Variants in RBFOX1 observed in about 807,000 individuals in gnomAD.
The protein encoded by RBFOX1 is RNA binding fox-1 homolog 1.
In RBFOX1, 8 loss-of-function variants were observed where a neutral mutation model predicts 57.7. That is an observed-to-expected ratio of 0.14 (90% CI 0.08 to 0.25). RBFOX1 has a LOEUF of 0.25. RBFOX1 is among the 10% of genes least tolerant of loss of function. The pLI is 1.00. For synonymous variants in RBFOX1, 326 were observed against 222.4 expected (o/e 1.47, Z -4.15); for missense variants, 611 against 548.5 (o/e 1.11, Z -1.14).
chr16:7,344,101 CTTTTTTTTTT>C (rs61008217), intron 4 of RBFOX1, among the ~76,000 whole-genome samples: 3 of 90,612 alleles, frequency 3.3e-5, no homozygotes, highest in Admixed American at 1.3e-4. Context: ...CTCAGCTTTA[CTTTTTTTTTT>C]TTTTTTTTTT....
chr16:5,907,396 C>T (rs891987990), intron 4 of RBFOX1, among the ~76,000 whole-genome samples: 1 of 152,084 alleles, frequency 6.6e-6, no homozygotes, highest in Admixed American at 6.5e-5. Flanking sequence ...ACCATTCTCC[C>T]AGAGTCATGC....
At chr16:7,481,175 A>C (rs1212449934) in intron 4 of RBFOX1, among the ~76,000 whole-genome samples, 1 of 152,334 alleles carries the variant, frequency 6.6e-6, no homozygotes, top group African/African-American at 2.4e-5. Flanking sequence ...TGTCTGGATT[A>C]GAAACTGAGT....
intron 3 of RBFOX1, among the ~76,000 whole-genome samples, chr16:5,717,590 G>T (rs1006039679): frequency 2.0e-5 from 3 of 152,028 alleles, no homozygotes; most frequent in African/African-American, 7.3e-5. Flanking sequence ...TTATAAGTGC[G>T]AATATACGAT....
rs2067910711 is a variant in RBFOX1, at chr16:5,436,122, C to T, written c.220-31094C>T. On this transcript the variant is annotated intron_variant, in intron 1 of 2. Coordinates refer to the RBFOX1 transcript ENST00000585867. ...GGAGGGGAGGGGGCAGTCCTAGAGT[C>T]ATTATGGCACAAGGAGACACCCATT... Among the ~76,000 whole-genome samples, 3 of 152,302 alleles carry T rather than the reference C, an allele frequency of 2.0e-5. 1 individual carries two copies. In the South Asian group the frequency reaches 6.2e-4, roughly 32 times the overall value.
At chr16:7,683,651 C>G (rs1366501715) in intron 14 of RBFOX1, among the ~76,000 whole-genome samples, 2 of 152,000 alleles carry the variant, frequency 1.3e-5, no homozygotes, top group Admixed American at 6.6e-5. Flanking sequence ...TAATTACACA[C>G]TTTTTAGGTC....
chr16:7,457,504 A>C lies in RBFOX1; in HGVS notation c.28-60643A>C, dbSNP rs1432711575. Among the ~76,000 whole-genome samples the C allele has an allele frequency of 2.0e-5, 3 of 152,082 alleles. No homozygotes were observed. In the East Asian group the frequency reaches 5.8e-4, roughly 29 times the overall value. On this transcript the variant is annotated intron_variant, in intron 4 of 15. Transcript: ENST00000550418. ...TGCCTTGCATTCTTCTATCTTCTTT[A>C]CTTAAGTGGTGAGATGTTTGGGTTT...
rs534100646 is a variant in RBFOX1 at position 7,474,079 on chromosome 16, G to C, written c.28-44068G>C. Reference sequence around the variant, plus strand: ...TGAGGAGGGCGGATCACGAGGTCAGGAGTTTGAGACCAGTCTGGCCAATAC... The same window carrying C: ...TGAGGAGGGCGGATCACGAGGTCAGCAGTTTGAGACCAGTCTGGCCAATAC... On this transcript the variant is annotated intron_variant, in intron 4 of 15. Transcript: ENST00000550418. Among the ~76,000 whole-genome samples the C allele has an allele frequency of 1.4e-3, 210 of 152,282 alleles. 1 individual carries two copies. Among genetic ancestry groups the C allele is most frequent in the African/African-American group, 4.9e-3 (204 of 41,544 alleles).
intron 3 of RBFOX1, chr16:6,705,255 G>A (rs1347024889): frequency 6.6e-6 from 1 of 152,182 alleles, no homozygotes; most frequent in Non-Finnish European, 1.5e-5. Context: ...ACTCCAGTGA[G>A]GTTACTCAAA....
chr16:6,966,668 A>G (rs968568861), intron 3 of RBFOX1, among the ~76,000 whole-genome samples: 7 of 152,190 alleles, frequency 4.6e-5, no homozygotes, highest in East Asian at 3.9e-4. Flanking sequence ...GGCATGAGAT[A>G]GTGCAAGCTG....
chr16:7,584,143 A>G (rs1322491537), intron 6 of RBFOX1, among the ~76,000 whole-genome samples: 2 of 152,186 alleles, frequency 1.3e-5, no homozygotes, highest in Non-Finnish European at 2.9e-5. Flanking sequence ...TTCACGCACA[A>G]TCTTTGAACT....
At chr16:7,330,392 T>TG (rs1177232192) in intron 4 of RBFOX1, among the ~76,000 whole-genome samples, 2 of 148,232 alleles carry the variant, frequency 1.3e-5, no homozygotes, top group African/African-American at 2.5e-5. Context: ...GCAGAGGTTT[T>TG]TTTTTTTTTT....
intron 5 of RBFOX1, among the ~76,000 whole-genome samples, chr16:7,575,253 C>T (rs1350246417): frequency 1.3e-5 from 2 of 151,924 alleles, no homozygotes; most frequent in Non-Finnish European, 2.9e-5. Context: ...TCCTGCCTCA[C>T]CCTCCCAAGT....
At chr16:6,974,226 A>T (rs1395624308) in intron 3 of RBFOX1, among the ~76,000 whole-genome samples, 2 of 150,402 alleles carry the variant, frequency 1.3e-5, no homozygotes, top group Non-Finnish European at 3.0e-5. Context: ...AATGGGGGAT[A>T]GTTGTAACCC....
intron 2 of RBFOX1, among the ~76,000 whole-genome samples, chr16:6,634,722 T>TATTTGTATTAAATATATAAC (rs1353786716): frequency 7.2e-6 from 1 of 138,932 alleles, no homozygotes; most frequent in Non-Finnish European, 1.5e-5. Flanking sequence ...AAATATATAA[T>TATTTGTATTAAATATATAAC]ACAAAGATAT....
At chr16:6,023,213 C>G (rs2095118873) in intron 1 of RBFOX1, among the ~76,000 whole-genome samples, 1 of 151,982 alleles carries the variant, frequency 6.6e-6, no homozygotes, top group African/African-American at 2.4e-5. Context: ...GAGCGGGTTT[C>G]TCCTCCTGGA....
At position 7,690,431 on chromosome 16, in the gene RBFOX1, A is replaced by G. The variant is rs139387411; in HGVS notation, c.995+13593A>G. Among the ~76,000 whole-genome samples the G allele has an allele frequency of 5.5e-3, 845 of 152,256 alleles. 8 individuals are homozygous for G. The highest frequency in any genetic ancestry group is 0.017 in the African/African-American group (700 of 41,552). On this transcript the variant is annotated intron_variant, in intron 14 of 15. Coordinates refer to ENST00000550418, the MANE Select transcript of RBFOX1 (RefSeq NM_018723.4). ...ACCAGAAATTTTTAGAAGTGCACCA[A>G]TTATTTACAATGTGCAGCCAAGGTT... is the stretch of plus-strand genomic sequence containing the variant.
chr16:7,090,332 G>A (rs935015686), intron 4 of RBFOX1, among the ~76,000 whole-genome samples: 2 of 152,180 alleles, frequency 1.3e-5, no homozygotes, highest in Non-Finnish European at 2.9e-5. Flanking sequence ...CACGATTTCA[G>A]TATGTTTTTA....
intron 2 of RBFOX1, among the ~76,000 whole-genome samples, chr16:5,544,484 A>G (rs1045050775): frequency 6.6e-6 from 1 of 152,182 alleles, no homozygotes; most frequent in Non-Finnish European, 1.5e-5. Flanking sequence ...ACTCTAAGAG[A>G]CTAGAATGAA....
chr16:5,435,911 C>T (rs576466722), intron 1 of RBFOX1, among the ~76,000 whole-genome samples: 3 of 152,288 alleles, frequency 2.0e-5, no homozygotes, highest in South Asian at 2.1e-4. Flanking sequence ...GTGAACAACC[C>T]GATTGCTTAA....
Sources: allele counts gnomAD v4.1 joint callset (sites outside exome capture counted in the v4.1 genomes callset), GRCh38; gene constraint gnomAD v4.1.1; transcripts MANE v1.5; gene names NCBI Gene and HGNC (gene_info 2026-07-23, HGNC 2026-07-21).